Variants in SENP7 observed in about 807,000 individuals in gnomAD.
SENP7 encodes the protein SUMO specific peptidase 7, also known as sentrin-specific protease 7.
SENP7 carries 64 observed loss-of-function variants against 141.2 expected under a neutral mutation model. The ratio of observed to expected loss-of-function variants is 0.45; its 90% CI spans 0.37 to 0.56. The LOEUF is 0.56. SENP7 is among the 20% of genes least tolerant of loss of function. The pLI is 0.00. For synonymous variants in SENP7, 382 were observed against 426.4 expected (o/e 0.90, Z 1.28); for missense variants, 1,025 against 1,212.2 (o/e 0.85, Z 2.29).
At chr3:101,370,910 T>C (rs1002037307) in intron 7 of SENP7, among the ~76,000 whole-genome samples, 1 of 152,232 alleles carries the variant, frequency 6.6e-6, no homozygotes, top group Non-Finnish European at 1.5e-5. Context: ...TTTAAATAGC[T>C]GTGCTCCAAA....
intron 4 of SENP7, among the ~76,000 whole-genome samples, chr3:101,438,018 C>T (rs917829944): frequency 3.3e-5 from 5 of 151,070 alleles, no homozygotes; most frequent in Non-Finnish European, 5.9e-5. Context: ...AAATGAGGTA[C>T]GGCCATTGCA....
chr3:101,344,920 T>C (rs951346325), intron 13 of SENP7, among the ~76,000 whole-genome samples: 31 of 135,302 alleles, frequency 2.3e-4, no homozygotes, highest in South Asian at 2.2e-4. Flanking sequence ...GGCAGGAGGA[T>C]AGCTTGAAGC....
At chr3:101,454,779 T>A (rs370392167) in intron 4 of SENP7, among the ~76,000 whole-genome samples, 2 of 152,180 alleles carry the variant, frequency 1.3e-5, no homozygotes, top group Non-Finnish European at 2.9e-5. Context: ...CTATATGAAA[T>A]GTCCAAAAAA....
At chr3:101,410,446 G>A (rs765572682) in intron 5 of SENP7, among the ~76,000 whole-genome samples, 8 of 152,146 alleles carry the variant, frequency 5.3e-5, no homozygotes, top group Non-Finnish European at 1.0e-4. Flanking sequence ...CAGAGGAAAG[G>A]AAGTATAGGA....
chr3:101,493,542 A>T (rs1028864329), intron 3 of SENP7, among the ~76,000 whole-genome samples: 3 of 152,260 alleles, frequency 2.0e-5, no homozygotes, highest in African/African-American at 7.2e-5. Context: ...CATACATTTT[A>T]AAACTTAAAA....
intron 11 of SENP7, chr3:101,358,107 C>A: frequency 3.7e-6 from 2 of 546,280 alleles, no homozygotes; most frequent in South Asian, 1.8e-5. Flanking sequence ...AAGAATGTGG[C>A]AAAATTTTAA....
intron 17 of SENP7, among the ~76,000 whole-genome samples, chr3:101,336,365 G>A (rs1291536394): frequency 6.6e-5 from 10 of 151,996 alleles, no homozygotes; most frequent in Admixed American, 5.2e-4. Flanking sequence ...TTATTTTAAC[G>A]AGATGAAACA....
chr3:101,437,094 A>T (rs931814784), intron 4 of SENP7, among the ~76,000 whole-genome samples: 1 of 152,236 alleles, frequency 6.6e-6, no homozygotes, highest in Non-Finnish European at 1.5e-5. Flanking sequence ...AGAGATCATT[A>T]CGTTAAGTGA....
chr3:101,486,830 G>A (rs1394904058), intron 3 of SENP7, among the ~76,000 whole-genome samples: 1 of 152,160 alleles, frequency 6.6e-6, no homozygotes, highest in African/African-American at 2.4e-5. Flanking sequence ...CAGAACTGCA[G>A]AATGGATAAG....
intron 3 of SENP7, among the ~76,000 whole-genome samples, chr3:101,460,609 C>CA (rs1176327614): frequency 1.3e-5 from 2 of 151,462 alleles, no homozygotes; most frequent in African/African-American, 4.8e-5. Flanking sequence ...GAAAAAAAAA[C>CA]ACAGCAGTAC....
chr3:101,420,299 C>T lies in SENP7; in HGVS notation c.285-2509G>A, dbSNP rs143720039. The stretch of plus-strand genomic sequence containing the variant: ...AAGAGAATGGCGTGAACCCAGGAGG[C>T]GGAGCTTGCAGTAAGCCGAGATTGC... On this transcript the variant is annotated intron_variant, in intron 4 of 23. Transcript: ENST00000394095. 8.1e-3 allele frequency among the ~76,000 whole-genome samples: 1,225 copies of T among 151,932 alleles called. 19 individuals carry two copies. Among genetic ancestry groups the T allele is most frequent in the African/African-American group, 0.028 (1,176 of 41,410 alleles).
At chr3:101,359,383 A>AAT (rs2059830971) in intron 11 of SENP7, 2 of 149,148 alleles carry the variant, frequency 1.3e-5, no homozygotes, top group Non-Finnish European at 3.0e-5. Context: ...ATTTATATAT[A>AAT]ATATATATAA....
At position 101,455,835 on chromosome 3, in the gene SENP7, C is replaced by A. The variant is rs576625299; in HGVS notation, c.284+3120G>T. Among the ~76,000 whole-genome samples, 34 of 152,304 alleles carry A rather than the reference C, an allele frequency of 2.2e-4. No homozygotes were observed. The South Asian group carries it at 6.4e-3, about 29-fold the overall frequency. On this transcript the variant is annotated intron_variant, in intron 4 of 23. Transcript: ENST00000394095. ...AAATAACTCATCATGTTCTATCCCA[C>A]CTTAGTTTCCAGATATTCTAGATAT...
At chr3:101,341,490 C>G (rs2059325166) in intron 15 of SENP7, among the ~76,000 whole-genome samples, 156 bp downstream of exon 15, 1 of 152,076 alleles carries the variant, frequency 6.6e-6, no homozygotes, top group Non-Finnish European at 1.5e-5. Context: ...AATTTTTTAA[C>G]TTCCTCATAA....
intron 5 of SENP7, among the ~76,000 whole-genome samples, chr3:101,401,983 C>T (rs2061157075): frequency 7.6e-6 from 1 of 131,056 alleles, no homozygotes; most frequent in South Asian, 2.5e-4. Flanking sequence ...TGCTGGGCAA[C>T]AGAATGAGAC....
At chr3:101,334,787 G>A (rs1037224414) in intron 17 of SENP7, among the ~76,000 whole-genome samples, 1 of 152,122 alleles carries the variant, frequency 6.6e-6, no homozygotes, top group Non-Finnish European at 1.5e-5. Flanking sequence ...TCCTGATTAT[G>A]CTAACCTTAT....
intron 6 of SENP7, among the ~76,000 whole-genome samples, chr3:101,374,629 T>G (rs1427790774): frequency 6.6e-6 from 1 of 151,208 alleles, no homozygotes; most frequent in African/African-American, 2.4e-5. Context: ...AATTTAATAA[T>G]TAGCTGGGCA....
chr3:101,332,149 C>G (rs1201932275), intron 18 of SENP7, 40 bp from the exon 19 acceptor site: 1 of 1,588,732 alleles, frequency 6.3e-7, no homozygotes, highest in African/African-American at 1.3e-5. Flanking sequence ...CATGCAAAGT[C>G]TAAACAACAT....
chr3:101,446,154 C>T (rs2107801017), intron 4 of SENP7, among the ~76,000 whole-genome samples: 1 of 152,308 alleles, frequency 6.6e-6, no homozygotes, highest in Admixed American at 6.5e-5. Context: ...TTCTCTCTTT[C>T]TCCTGCTCCA....
Sources: gnomAD v4.1 joint callset for allele counts (sites outside exome capture counted in the v4.1 genomes callset) on GRCh38, gnomAD v4.1.1 for gene constraint, MANE v1.5 for transcripts, NCBI Gene and HGNC (gene_info 2026-07-23, HGNC 2026-07-21) for gene names.